Variants in FAM135A observed in about 807,000 individuals in gnomAD.
FAM135A encodes protein FAM135A.
In FAM135A, 79 loss-of-function variants were observed where a neutral mutation model predicts 146.8. The ratio of observed to expected loss-of-function variants is 0.54; its 90% CI spans 0.45 to 0.65. FAM135A has a LOEUF of 0.65. Among genes scored for constraint, FAM135A ranks in the 30% least tolerant of loss-of-function variants. The probability of loss-of-function intolerance (pLI) is 0.00; values close to 1 mark genes in which losing one functional copy is unlikely to be tolerated. For synonymous variants in FAM135A, 562 were observed against 603.6 expected, an observed-to-expected ratio of 0.93 and a Z score of 1.01; for missense variants, 1,623 against 1,758.2, an observed-to-expected ratio of 0.92 and a Z score of 1.38.
At chr6:70,461,214 A>G (rs917775893) in intron 5 of FAM135A, among the ~76,000 whole-genome samples, 4 of 152,182 alleles carry the variant, frequency 2.6e-5, no homozygotes, top group African/African-American at 9.7e-5. Flanking sequence ...TGGAATCAGG[A>G]GTCTGTCTTC....
intron 12 of FAM135A, among the ~76,000 whole-genome samples, chr6:70,510,333 A>G (rs73485115): frequency 0.046 from 7,017 of 152,130 alleles, 360 homozygotes; most frequent in African/African-American, 0.11. Context: ...ATTTTAATGT[A>G]TACAATTCAG....
chr6:70,559,737 T>C lies in FAM135A; in HGVS notation c.4364T>C (p.Ile1455Thr), dbSNP rs778920648. ...ATAGGACAGATCTATTCAGAAATGA[T>C]CCACAACTTGCTTCGACCCGTTCTG... ...KQSGQIYSEMIHNLLRPVLQS... is the reference protein window; with the variant it reads ...KQSGQIYSEMTHNLLRPVLQS... The change falls in exon 22 of 22, where the codon ATC becomes ACC. Residue 1455 changes from isoleucine to threonine, a missense_variant. Transcript: ENST00000418814. The C allele has an allele frequency of 1.1e-5, 17 of 1,613,994 alleles. No individual in the cohort carries two copies. The Admixed American group carries it at 2.0e-4, about 19-fold the overall frequency.
intron 4 of FAM135A, among the ~76,000 whole-genome samples, chr6:70,450,032 ATC>A (rs1202689808): frequency 6.6e-6 from 1 of 152,106 alleles, no homozygotes; most frequent in Admixed American, 6.5e-5. Context: ...TTTTTTACAT[ATC>A]TGTTAGCCAT....
chr6:70,551,391 C>T (rs533444192), intron 20 of FAM135A, among the ~76,000 whole-genome samples: 4 of 152,174 alleles, frequency 2.6e-5, no homozygotes, highest in South Asian at 2.1e-4. Context: ...TGGGAATCTC[C>T]GAATCCTAGG....
chr6:70,510,486 C>G (rs529290273), intron 12 of FAM135A, among the ~76,000 whole-genome samples: 10 of 152,168 alleles, frequency 6.6e-5, no homozygotes, highest in African/African-American at 2.2e-4. Flanking sequence ...AACCGCTAGT[C>G]TCATTTACTG....
At chr6:70,450,420 T>C (rs1478418337) in intron 4 of FAM135A, among the ~76,000 whole-genome samples, 1 of 152,178 alleles carries the variant, frequency 6.6e-6, no homozygotes, top group East Asian at 1.9e-4. Context: ...TATAAATCTT[T>C]AATCCATTTG....
In FAM135A at chr6:70,524,009, T is replaced by G; in HGVS notation, c.1146T>G (p.Thr382=). ...AGATGTGCACCGCTATCAAAAATAC[T>G]TCCTTCTGCAGTTCTCTTCCACCCT... ...HLQMCTAIKN[T]SFCSSLPPLP... is the part of the protein sequence containing the mutation. Residue 382 remains threonine, a synonymous_variant, in exon 14 of 22, where the codon ACT becomes ACG. Transcript: ENST00000418814. 6.2e-7 allele frequency: 1 copy of G among 1,612,738 alleles called. No individual in the cohort carries two copies. Among genetic ancestry groups the G allele is most frequent in the South Asian group, 1.1e-5 (1 of 90,878 alleles).
chr6:70,536,897 G>A (rs1796890905), intron 19 of FAM135A, among the ~76,000 whole-genome samples: 1 of 149,004 alleles, frequency 6.7e-6, no homozygotes, highest in Admixed American at 6.7e-5. Context: ...AATTTGATTA[G>A]TATTTATATT....
intron 4 of FAM135A, among the ~76,000 whole-genome samples, chr6:70,447,977 G>A (rs941431376): frequency 4.6e-5 from 7 of 151,898 alleles, no homozygotes; most frequent in African/African-American, 1.4e-4. Context: ...ATGCTTTCCC[G>A]AATTTAAAAG....
chr6:70,413,737 C>T, intron 1 of FAM135A, 35 bp downstream of exon 1: 2 of 916,286 alleles, frequency 2.2e-6, no homozygotes, highest in Non-Finnish European at 2.6e-6. Flanking sequence ...GCTCCCCCGG[C>T]TCCCGACACC....
chr6:70,431,660 A>C (rs1206215549), intron 4 of FAM135A, among the ~76,000 whole-genome samples: 3 of 152,208 alleles, frequency 2.0e-5, no homozygotes, highest in Non-Finnish European at 4.4e-5. Context: ...GGAAGAGCAA[A>C]ATATAGGTGA....
intron 4 of FAM135A, among the ~76,000 whole-genome samples, chr6:70,432,171 C>A (rs9455103): frequency 0.025 from 3,837 of 152,084 alleles, 166 homozygotes; most frequent in African/African-American, 0.088. Flanking sequence ...ATTCTTTTAG[C>A]CACTAACCTC....
intron 5 of FAM135A, among the ~76,000 whole-genome samples, chr6:70,460,087 GT>G (rs1779146673): frequency 6.6e-6 from 1 of 152,144 alleles, no homozygotes; most frequent in Admixed American, 6.5e-5. Context: ...ACTATAGCTT[GT>G]TTTCTAGATG....
intron 12 of FAM135A, among the ~76,000 whole-genome samples, chr6:70,514,786 TA>T (rs1395820304): frequency 6.6e-6 from 1 of 152,176 alleles, no homozygotes; most frequent in South Asian, 2.1e-4. Flanking sequence ...GGGGATCCCA[TA>T]CTTTTCATGA....
At chr6:70,482,559 T>C (rs1011594624) in intron 10 of FAM135A, among the ~76,000 whole-genome samples, 3 of 152,184 alleles carry the variant, frequency 2.0e-5, no homozygotes, top group Non-Finnish European at 4.4e-5. Context: ...TTACATTTGA[T>C]TTTATAATAG....
rs111446273 is a variant in FAM135A at position 70,424,791 on chromosome 6, A to G, written c.-133-1648A>G. Among the ~76,000 whole-genome samples the G allele has an allele frequency of 4.3e-3, 648 of 152,264 alleles. 4 individuals are homozygous for G. Among genetic ancestry groups the G allele is most frequent in the African/African-American group, 0.015 (604 of 41,544 alleles). ...TTTTTCATGTACTTTTTCTGGGACT[A>G]TGGGCTTTTTATGGGCACTAGTTTT... is the stretch of plus-strand genomic sequence containing the variant. On this transcript the variant is annotated intron_variant, in intron 2 of 21. Coordinates refer to ENST00000418814, the MANE Select transcript of FAM135A (RefSeq NM_001162529.3).
At chr6:70,496,151 C>T (rs898900094) in intron 11 of FAM135A, among the ~76,000 whole-genome samples, 1 of 152,028 alleles carries the variant, frequency 6.6e-6, no homozygotes, top group African/African-American at 2.4e-5. Flanking sequence ...GGGTATAAAC[C>T]CAGTAATGGA....
chr6:70,561,146 C>T lies in FAM135A; in HGVS notation c.*1225C>T, dbSNP rs571832161. On this transcript the variant is annotated 3_prime_UTR_variant, in exon 22 of 22. Coordinates refer to ENST00000418814, the MANE Select transcript of FAM135A (RefSeq NM_001162529.3). The stretch of plus-strand genomic sequence containing the variant: ...ATTGCCTCTGGTGTTAATAAATGAA[C>T]AAATGGCTATCTGGAGGAACAGCTA... 25 of 152,442 alleles carry T rather than the reference C, an allele frequency of 1.6e-4. 4 individuals are homozygous for T. Among genetic ancestry groups the T allele is most frequent in the South Asian group, 1.2e-3 (6 of 4,820 alleles). 9.4% of individuals were successfully genotyped at this position (152,442 alleles called of 1,614,324 possible). A position where few individuals can be genotyped will look rare whatever the true frequency, so the allele number is the denominator to read the frequency against.
chr6:70,483,755 G>A (rs1373501901), intron 10 of FAM135A, among the ~76,000 whole-genome samples: 3 of 152,152 alleles, frequency 2.0e-5, no homozygotes, highest in Non-Finnish European at 4.4e-5. Flanking sequence ...ACAGTGTGAT[G>A]AAAAGTAGTG....
Sources: gnomAD v4.1 joint callset for allele counts (sites outside exome capture counted in the v4.1 genomes callset) on GRCh38, gnomAD v4.1.1 for gene constraint, MANE v1.5 for transcripts, NCBI Gene and HGNC (gene_info 2026-07-23, HGNC 2026-07-21) for gene names.